BAG6: variants seen among roughly 807,000 people sequenced by gnomAD.
BAG6 encodes large proline-rich protein BAG6.
BAG6 carries 22 observed loss-of-function variants against 121.0 expected under a neutral mutation model. The observed-to-expected ratio is 0.18, with a 90% CI of 0.13 to 0.26. The LOEUF is 0.26. BAG6 is among the 10% of genes least tolerant of loss of function. BAG6 has a pLI of 1.00. For missense variants in BAG6, 1,233 were observed against 1,537.7 expected, an observed-to-expected ratio of 0.80 and a Z score of 3.31; for synonymous variants, 583 against 584.6, an observed-to-expected ratio of 1.00 and a Z score of 0.04.
chr6:31,644,736 G>A lies in BAG6; in HGVS notation c.1370-134C>T. Reference sequence around the variant, plus strand: ...CCTGCCTTTCCCTCCATCTAAACAGGGAGAGGTACTCCCTTCACCACACAA... The same window carrying A: ...CCTGCCTTTCCCTCCATCTAAACAGAGAGAGGTACTCCCTTCACCACACAA... On this transcript the variant is annotated intron_variant, in intron 10 of 25. Coordinates refer to ENST00000676615, the MANE Select transcript of BAG6 (RefSeq NM_001387994.1). This position sits in a 1 kb window ranked among gnomAD's most constrained non-coding sequence, Gnocchi z 4.9. The A allele has an allele frequency of 1.6e-6, 2 of 1,247,570 alleles. No homozygotes were observed. The highest frequency in any genetic ancestry group is 2.3e-6 in the Non-Finnish European group (2 of 862,026). 77.3% of individuals were successfully genotyped at this position (1,247,570 alleles called of 1,614,324 possible).
At chr6:31,648,440 G>A (rs1792573591) in intron 6 of BAG6, among the ~76,000 whole-genome samples, 1 of 152,146 alleles carries the variant, frequency 6.6e-6, no homozygotes, top group Admixed American at 6.5e-5. Flanking sequence ...ATTGAAAAGA[G>A]ATGCCATGAG....
chr6:31,646,153 T>C (rs1031009564), intron 8 of BAG6, among the ~76,000 whole-genome samples: 1 of 152,076 alleles, frequency 6.6e-6, no homozygotes, highest in African/African-American at 2.4e-5. Flanking sequence ...ATCCAGCTAA[T>C]GTTTATATTT....
At position 31,641,243 on chromosome 6, in the gene BAG6, C is replaced by A. The variant is rs1561883819; in HGVS notation, c.2663-15G>T. ...AAATCCACTATCTGTGGGCAAAATA[C>A]AAGGAGGGAATGCTGGCACGTGGCA... On this transcript the variant is annotated splice_polypyrimidine_tract_variant and intron_variant, in intron 19 of 25. Coordinates refer to ENST00000676615, the MANE Select transcript of BAG6 (RefSeq NM_001387994.1). This position sits in a 1 kb window ranked among gnomAD's most constrained non-coding sequence, Gnocchi z 5.7. The A allele has an allele frequency of 1.2e-6, 2 of 1,614,146 alleles. No individual in the cohort carries two copies. The highest frequency in any genetic ancestry group is 1.1e-5 in the South Asian group (1 of 91,086).
rs189777683 is a variant in BAG6 at position 31,649,389 on chromosome 6, C to T, written c.233G>A (p.Gly78Glu). 1.9e-6 allele frequency: 3 copies of T among 1,602,834 alleles called. No homozygotes were observed. Among genetic ancestry groups the T allele is most frequent in the Non-Finnish European group, 2.6e-6 (3 of 1,174,282 alleles). Residue 78 changes from glycine to glutamate, a missense_variant, in exon 4 of 26, where the codon GGG (glycine) becomes GAG (glutamate). By Grantham distance (98) the Gly-to-Glu change is moderately conservative. Around this residue, in one of 7 missense-constraint regions of BAG6, gnomAD observed 777 missense variants for 861.4 expected, o/e 0.90. Transcript: ENST00000676615. ...TTCCACCAGGTGGATAACCTTTCCC[C>T]CAACATCTGCAGAAAAATAGACACA... is the stretch of plus-strand genomic sequence containing the variant. Reference protein sequence around the residue: ...DDKKLQEYNVGGKVIHLVERA... With the variant: ...DDKKLQEYNVEGKVIHLVERA...
rs1207401491 is a variant in BAG6 at position 31,641,316 on chromosome 6, T to TG, written c.2662+3dup. On this transcript the variant is annotated splice_donor_region_variant and intron_variant, in intron 19 of 25. Transcript: ENST00000676615. This position sits in a 1 kb window ranked among gnomAD's most constrained non-coding sequence, Gnocchi z 5.7. ...CACTTGCCCCCGCCTGGCCAGCCCCTGACCTGTGCAATGCAGCACATGCGC... is the reference window on the plus strand; with the variant it reads ...CACTTGCCCCCGCCTGGCCAGCCCCTGGACCTGTGCAATGCAGCACATGCGC... 2.5e-6 allele frequency: 4 copies of TG among 1,614,054 alleles called. No homozygotes were observed. In the African/African-American group the frequency reaches 5.3e-5, roughly 22 times the overall value.
rs142913228 is a variant in BAG6 at position 31,645,148 on chromosome 6, G to T, written c.1167C>A (p.Pro389=). The T allele has an allele frequency of 3.7e-5, 59 of 1,612,792 alleles. No homozygotes were observed. The African/African-American group carries it at 5.6e-4, about 15-fold the overall frequency. ...VTMTGNGTRP[P]PTPNAEAPPP... The stretch of plus-strand genomic sequence containing the variant: ...GAGGTGCCTCTGCATTGGGAGTTGG[G>T]GGGGGCCGAGTCCCATTTCCTGTCA... Residue 389 remains proline, a synonymous_variant, in exon 10 of 26, where the codon CCC becomes CCA. Transcript: ENST00000676615.
chr6:31,642,759 C>T, intron 15 of BAG6, 70 bp downstream of exon 15: 2 of 1,561,624 alleles, frequency 1.3e-6, no homozygotes, highest in Admixed American at 1.7e-5. Context: ...TATATAATGG[C>T]AAGAAGGTAC....
rs1463303320 is a variant in BAG6, at chr6:31,639,093, A to G, written c.*38T>C. The G allele has an allele frequency of 6.5e-7, 1 of 1,535,084 alleles. No individual in the cohort carries two copies. The highest frequency in any genetic ancestry group is 1.8e-5 in the Admixed American group (1 of 54,114). ...AAATACTGTGAAGGAAGAGGGGGGA[A>G]ACGGTCCCCTGATGAGGAAGGGCCA... is the stretch of plus-strand genomic sequence containing the variant. On this transcript the variant is annotated 3_prime_UTR_variant, in exon 26 of 26. Coordinates refer to ENST00000676615, the MANE Select transcript of BAG6 (RefSeq NM_001387994.1).
rs771881669 is a variant in BAG6 at position 31,644,458 on chromosome 6, A to G, written c.1448-44T>C. ...GTAACCTTGAACCTGGACCCCTTCA[A>G]CCCACCCACTCAGCCCTTCCCTTTC... On this transcript the variant is annotated intron_variant, in intron 11 of 25. Coordinates refer to ENST00000676615, the MANE Select transcript of BAG6 (RefSeq NM_001387994.1). The surrounding 1 kb of genome is among the most constrained non-coding windows in gnomAD (Gnocchi z 4.9). 3.2e-6 allele frequency: 5 copies of G among 1,562,268 alleles called. No homozygotes were observed. Among genetic ancestry groups the G allele is most frequent in the Non-Finnish European group, 3.5e-6 (4 of 1,152,466 alleles).
intron 2 of BAG6, among the ~76,000 whole-genome samples, chr6:31,650,761 T>C (rs906735561): frequency 2.8e-4 from 42 of 151,932 alleles, no homozygotes; most frequent in African/African-American, 9.7e-4. Context: ...TAATCACAAG[T>C]CTATATATGG....
At chr6:31,639,344 A>G in intron 25 of BAG6, 118 bp from the exon 26 acceptor site, 2 of 1,438,422 alleles carry the variant, frequency 1.4e-6, no homozygotes, top group Non-Finnish European at 1.9e-6. Context: ...ACTGTCAAAT[A>G]GCCCGGGGTG....
chr6:31,648,828 G>A, intron 5 of BAG6, 77 bp from the exon 6 acceptor site: 3 of 1,595,112 alleles, frequency 1.9e-6, no homozygotes, highest in South Asian at 2.3e-5. Flanking sequence ...TCAGGTCCCA[G>A]CCATCTCTCA....
chr6:31,650,492 T>C (rs926487582), intron 2 of BAG6, among the ~76,000 whole-genome samples: 1 of 151,990 alleles, frequency 6.6e-6, no homozygotes, highest in Non-Finnish European at 1.5e-5. Flanking sequence ...TAAAACCCTG[T>C]CTCTACTAAA....
Position 31,644,060 on chromosome 6 carries a change from G to C in BAG6, c.1668+22C>G. The stretch of plus-strand genomic sequence containing the variant: ...TCTCTCCCTAGACTGTTACGCACTA[G>C]AACTCCCCGACCCTTGCTCACCAGT... On this transcript the variant is annotated intron_variant, in intron 13 of 25. Coordinates refer to ENST00000676615, the MANE Select transcript of BAG6 (RefSeq NM_001387994.1). This position sits in a 1 kb window ranked among gnomAD's most constrained non-coding sequence, Gnocchi z 4.9. The C allele has an allele frequency of 2.5e-6, 4 of 1,612,792 alleles. No individual in the cohort carries two copies. Among genetic ancestry groups the C allele is most frequent in the Non-Finnish European group, 3.4e-6 (4 of 1,179,174 alleles).
At chr6:31,648,005 A>C in intron 6 of BAG6, 179 bp from the exon 7 acceptor site, 1 of 505,510 alleles carries the variant, frequency 2.0e-6, no homozygotes, top group South Asian at 8.5e-5. Flanking sequence ...GATGCATAAT[A>C]AGCATCTGTA....
Position 31,639,225 on chromosome 6 carries a change from A to C in BAG6, c.3395T>G (p.Leu1132Arg). The stretch of plus-strand genomic sequence containing the variant: ...CAGTCGTTTTTGTATATCAGACCGG[A>C]GCTAAAGAGAAAAAGTAAGCAGGTT... ...PEVQESYRQQ[L>R]RSDIQKRLQE... is the part of the protein sequence containing the mutation. Residue 1132 changes from leucine (L) to arginine (R), a missense_variant and splice_region_variant, in exon 26 of 26, where the codon CTC becomes CGC. Physicochemically the swap from Leu to Arg is moderately radical, Grantham distance 102. Around this residue, in one of 7 missense-constraint regions of BAG6, gnomAD observed 102 missense variants for 103.2 expected, o/e 0.99. Transcript: ENST00000676615. 1 of 1,610,418 alleles carries C rather than the reference A, an allele frequency of 6.2e-7. No individual in the cohort carries two copies. Among genetic ancestry groups the C allele is most frequent in the Non-Finnish European group, 8.5e-7 (1 of 1,178,094 alleles).
In BAG6 at chr6:31,640,565, AT is replaced by A; in HGVS notation, c.2995-38del. The A allele has an allele frequency of 6.2e-7, 1 of 1,612,494 alleles. No homozygotes were observed. On this transcript the variant is annotated intron_variant, in intron 22 of 25. Transcript: ENST00000676615. This position sits in a 1 kb window ranked among gnomAD's most constrained non-coding sequence, Gnocchi z 4.2. ...ATGGCGGGAAGAGCCAGGCTTCAGA[AT>A]TTTTAGCCTCCAAACCTTTCTCCCC...
chr6:31,651,928 G>A lies in BAG6; in HGVS notation c.-13-152C>T, dbSNP rs1424793896. ...TGTCCCCATCCCCCTTCTGATTCCG[G>A]GGCACAGGGAGAGAAACACAAAGGG... On this transcript the variant is annotated intron_variant, in intron 1 of 25. Transcript: ENST00000676615. The A allele has an allele frequency of 3.2e-5, 18 of 571,044 alleles. No homozygotes were observed. In the Admixed American group the frequency reaches 4.9e-4, roughly 15 times the overall value. The allele number at this position is 571,044 out of a possible 1,614,324, so 35.4% of individuals were successfully genotyped here. A position where few individuals can be genotyped will look rare whatever the true frequency, so the allele number is the denominator to read the frequency against.
Position 31,644,504 on chromosome 6 carries a change from C to A in BAG6, c.1447+21G>T, listed in dbSNP as rs765636725. 2 of 1,601,506 alleles carry A rather than the reference C, an allele frequency of 1.2e-6. No individual in the cohort carries two copies. The highest frequency in any genetic ancestry group is 3.4e-5 in the Admixed American group (2 of 58,986). ...CTTTCTCTACCCAGAGCTCAGCCTG[C>A]CCTGATGCCCTCACTCTTACCCAGG... On this transcript the variant is annotated intron_variant, in intron 11 of 25. Transcript: ENST00000676615. The surrounding 1 kb of genome is among the most constrained non-coding windows in gnomAD (Gnocchi z 4.9).
Sources: allele counts gnomAD v4.1 joint callset (sites outside exome capture counted in the v4.1 genomes callset), GRCh38; gene constraint gnomAD v4.1.1; regional missense constraint gnomAD v4.1.1; non-coding constraint Gnocchi (gnomAD v3.1); transcripts MANE v1.5; gene names NCBI Gene and HGNC (gene_info 2026-07-23, HGNC 2026-07-21).